The following MTPN variants were observed in gnomAD, a reference collection of about 807,000 sequenced individuals.
The protein encoded by MTPN is myotrophin, also known as granule cell differentiation protein.
In MTPN, 2 loss-of-function variants were observed where a neutral mutation model predicts 13.5. That is an observed-to-expected ratio of 0.15 (90% CI 0.06 to 0.47). The LOEUF (loss-of-function observed/expected upper bound fraction) is 0.47, where lower values mean the gene tolerates loss of function less well. Among genes scored for constraint, MTPN ranks in the 20% least tolerant of loss-of-function variants. MTPN has a pLI of 0.97. For missense variants in MTPN, 79 were observed against 137.9 expected, an observed-to-expected ratio of 0.57 and a Z score of 2.14; for synonymous variants, 46 against 51.7, an observed-to-expected ratio of 0.89 and a Z score of 0.48.
At position 135,927,831 on chromosome 7, in the gene MTPN, C is replaced by T; in HGVS notation, c.*2095G>A. The T allele has an allele frequency of 2.5e-6, 1 of 401,730 alleles. No homozygotes were observed. The highest frequency in any genetic ancestry group is 5.0e-6 in the Non-Finnish European group (1 of 201,200). The allele number at this position is 401,730 out of a possible 1,614,324, so 24.9% of individuals were successfully genotyped here. On this transcript the variant is annotated 3_prime_UTR_variant, in exon 4 of 4. Coordinates refer to ENST00000393085, the MANE Select transcript of MTPN (RefSeq NM_145808.4). ...TCAGGATAAACTGTACAAAGAATCACATGGTTTCCATACCATGAATGTAGA... is the reference window on the plus strand; with the variant it reads ...TCAGGATAAACTGTACAAAGAATCATATGGTTTCCATACCATGAATGTAGA...
At chr7:135,947,147 C>T (rs1799298579) in intron 3 of MTPN, among the ~76,000 whole-genome samples, 1 of 152,132 alleles carries the variant, frequency 6.6e-6, no homozygotes. Flanking sequence ...CATACTAATT[C>T]ACACTAACTT....
At chr7:135,963,317 C>T (rs974288206) in intron 1 of MTPN, among the ~76,000 whole-genome samples, 4 of 151,886 alleles carry the variant, frequency 2.6e-5, no homozygotes, top group South Asian at 2.1e-4. Context: ...CCTACCCAAT[C>T]CCCCAGGTTG....
At position 135,927,047 on chromosome 7, in the gene MTPN, A is replaced by T; in HGVS notation, c.*2879T>A. ...TGCAAAACACTGCAATTGCTTATTT[A>T]TGTAGGAGGGCACTCTCACCAGCTT... On this transcript the variant is annotated 3_prime_UTR_variant, in exon 4 of 4. Coordinates refer to ENST00000393085, the MANE Select transcript of MTPN (RefSeq NM_145808.4). 3.1e-6 allele frequency: 1 copy of T among 326,188 alleles called. No homozygotes were observed. The highest frequency in any genetic ancestry group is 5.5e-6 in the Non-Finnish European group (1 of 180,554). 20.2% of individuals were successfully genotyped at this position (326,188 alleles called of 1,614,324 possible). A position where few individuals can be genotyped will look rare whatever the true frequency, so the allele number is the denominator to read the frequency against.
intron 1 of MTPN, among the ~76,000 whole-genome samples, chr7:135,972,231 G>GCGCGCGCGCACACACACACACACACACA (rs779296906): frequency 2.3e-4 from 29 of 124,712 alleles, no homozygotes; most frequent in African/African-American, 8.7e-4. Context: ...GCACGCGCGC[G>GCGCGCGCGCACACACACACACACACACA]CACACACACA....
chr7:135,961,229 C>T (rs751820802), intron 1 of MTPN, among the ~76,000 whole-genome samples: 2 of 152,008 alleles, frequency 1.3e-5, no homozygotes, highest in African/African-American at 4.8e-5. Flanking sequence ...ATAACCAGAA[C>T]AGGAACAGAA....
chr7:135,944,341 T>C (rs1799256320), intron 3 of MTPN, among the ~76,000 whole-genome samples: 1 of 152,060 alleles, frequency 6.6e-6, no homozygotes, highest in African/African-American at 2.4e-5. Context: ...TTATAGAAAA[T>C]ATAATCTTCA....
At chr7:135,956,506 CTTA>C (rs908666549) in intron 1 of MTPN, among the ~76,000 whole-genome samples, 1 of 152,144 alleles carries the variant, frequency 6.6e-6, no homozygotes, top group Non-Finnish European at 1.5e-5. Context: ...ACCTCTTCTA[CTTA>C]TTATAGACCT....
intron 3 of MTPN, among the ~76,000 whole-genome samples, chr7:135,941,612 A>AT (rs1562930318): frequency 6.6e-6 from 1 of 152,190 alleles, no homozygotes; most frequent in East Asian, 1.9e-4. Context: ...GCAATGAGAC[A>AT]TTTTATGTTT....
chr7:135,931,033 G>A (rs769862859), intron 3 of MTPN, among the ~76,000 whole-genome samples: 1 of 151,962 alleles, frequency 6.6e-6, no homozygotes, highest in Admixed American at 6.6e-5. Context: ...CCAGTTAACC[G>A]CTCCATGCTC....
intron 1 of MTPN, among the ~76,000 whole-genome samples, chr7:135,961,468 TAC>T (rs1365541535): frequency 6.6e-6 from 1 of 151,996 alleles, no homozygotes; most frequent in African/African-American, 2.4e-5. Context: ...TCCAGAGGAC[TAC>T]AGAGAGAAAC....
intron 3 of MTPN, among the ~76,000 whole-genome samples, chr7:135,947,565 A>G (rs1266653171): frequency 6.6e-6 from 1 of 152,136 alleles, no homozygotes; most frequent in Non-Finnish European, 1.5e-5. Context: ...CTCATTTACC[A>G]GCTTGCCAAT....
chr7:135,929,863 G>T lies in MTPN; in HGVS notation c.*63C>A. ...GCTGGCAGATAGAGAGTGACAGACA[G>T]ACAGGCAGCAGTGTGAGGCCACAGG... On this transcript the variant is annotated 3_prime_UTR_variant, in exon 4 of 4. Coordinates refer to ENST00000393085, the MANE Select transcript of MTPN (RefSeq NM_145808.4). 1.4e-6 allele frequency: 2 copies of T among 1,476,770 alleles called. No homozygotes were observed. Among genetic ancestry groups the T allele is most frequent in the Non-Finnish European group, 1.9e-6 (2 of 1,054,870 alleles). The allele number at this position is 1,476,770 out of a possible 1,614,324, so 91.5% of individuals were successfully genotyped here.
At position 135,946,347 on chromosome 7, in the gene MTPN, A is replaced by G. The variant is rs186897792; in HGVS notation, c.270+4252T>C. ...AAAATAAGTGCTAGCATAGTCTAAT[A>G]AAAGCATCCAGAAGGATACACACTC... On this transcript the variant is annotated intron_variant, in intron 3 of 3. Coordinates refer to ENST00000393085, the MANE Select transcript of MTPN (RefSeq NM_145808.4). Among the ~76,000 whole-genome samples the G allele has an allele frequency of 1.8e-4, 27 of 151,584 alleles. No individual in the cohort carries two copies. In the East Asian group the frequency reaches 3.5e-3, roughly 19 times the overall value.
In MTPN at chr7:135,977,331, G is replaced by C; in HGVS notation, c.-231C>G. 3.5e-6 allele frequency: 2 copies of C among 572,174 alleles called. No individual in the cohort carries two copies. The highest frequency in any genetic ancestry group is 3.0e-5 in the East Asian group (1 of 33,522). The allele number at this position is 572,174 out of a possible 1,614,324, so 35.4% of individuals were successfully genotyped here. A position where few individuals can be genotyped will look rare whatever the true frequency, so the allele number is the denominator to read the frequency against. ...GGGCCCAGCAGAGAGGTTCCGCCTG[G>C]CCGAGGAGAGGCAGGAACCTTTACA... On this transcript the variant is annotated 5_prime_UTR_variant, in exon 1 of 4. Coordinates refer to ENST00000393085, the MANE Select transcript of MTPN (RefSeq NM_145808.4).
At chr7:135,942,278 AT>A (rs1256205146) in intron 3 of MTPN, among the ~76,000 whole-genome samples, 5 of 152,090 alleles carry the variant, frequency 3.3e-5, no homozygotes, top group Admixed American at 6.6e-5. Context: ...CATAAAGTTA[AT>A]TTTCTTCAGG....
chr7:135,972,205 A>ACACACGCG (rs774954595), intron 1 of MTPN, among the ~76,000 whole-genome samples: 3 of 138,106 alleles, frequency 2.2e-5, no homozygotes, highest in East Asian at 2.1e-4. Flanking sequence ...GGTTATAAAT[A>ACACACGCG]CACACGCGCA....
intron 1 of MTPN, 57 bp downstream of exon 1, chr7:135,976,972 C>G (rs553364929): frequency 6.2e-6 from 8 of 1,280,064 alleles, no homozygotes; most frequent in Non-Finnish European, 8.8e-6. Context: ...TCAGCTTCCT[C>G]AGCCTCATCT....
chr7:135,944,360 T>C (rs1470553665), intron 3 of MTPN, among the ~76,000 whole-genome samples: 9 of 152,108 alleles, frequency 5.9e-5, no homozygotes, highest in African/African-American at 9.7e-5. Flanking sequence ...CAATATTATA[T>C]GTATTATGTT....
At chr7:135,955,838 T>TTA (rs1185152437) in intron 1 of MTPN, among the ~76,000 whole-genome samples, 2 of 119,608 alleles carry the variant, frequency 1.7e-5, no homozygotes, top group Non-Finnish European at 3.7e-5. Context: ...TCTCAATGGA[T>TTA]TATAAAAAAA....
Sources: gnomAD v4.1 joint callset for allele counts (sites outside exome capture counted in the v4.1 genomes callset) on GRCh38, gnomAD v4.1.1 for gene constraint, MANE v1.5 for transcripts, NCBI Gene and HGNC (gene_info 2026-07-23, HGNC 2026-07-21) for gene names.